The following TNPO3 variants were observed in gnomAD, a reference collection of about 807,000 sequenced individuals.
TNPO3 encodes transportin-3.
A neutral mutation model predicts 122.8 loss-of-function variants in TNPO3; 65 were observed. That is an observed-to-expected ratio of 0.53 (90% confidence interval 0.43 to 0.65). The LOEUF is 0.65. Ranked by LOEUF, TNPO3 falls within the 30% of genes least tolerant of loss-of-function variation. The pLI is 0.00. For missense variants in TNPO3, 850 were observed against 1,136.7 expected (o/e 0.75, Z 3.63); for synonymous variants, 372 against 411.2 (o/e 0.90, Z 1.15).
In TNPO3 at chr7:128,974,913, T is replaced by A. The variant is rs760588492; in HGVS notation, c.2228A>T (p.Gln743Leu). 6.2e-7 allele frequency: 1 copy of A among 1,614,262 alleles called. No individual in the cohort carries two copies. Among genetic ancestry groups the A allele is most frequent in the Non-Finnish European group, 8.5e-7 (1 of 1,180,052 alleles). ...GTCATCTACAGTGTCAGGGTGATTC[T>A]GGAGACCATTCTGCTGTTCTAGGAG... ...FQLLEQQNGL[Q>L]NHPDTVDDLF... is the part of the protein sequence containing the mutation. Residue 743 changes from glutamine to leucine, a missense_variant, in exon 18 of 23, where the codon CAG (glutamine) becomes CTG (leucine). Transcript: ENST00000265388.
At chr7:128,960,570 G>C (rs931131022) in intron 21 of TNPO3, among the ~76,000 whole-genome samples, 1 of 123,524 alleles carries the variant, frequency 8.1e-6, no homozygotes, top group Non-Finnish European at 1.8e-5. Context: ...AAGTTTAAAA[G>C]CTAAAAAAAA....
At chr7:129,040,455 C>T (rs1192734186) in intron 1 of TNPO3, among the ~76,000 whole-genome samples, 4 of 152,024 alleles carry the variant, frequency 2.6e-5, no homozygotes, top group Non-Finnish European at 5.9e-5. Context: ...GAATGATTTA[C>T]TGGGAAGAGG....
In TNPO3 at chr7:128,986,923, A is replaced by T. The variant is rs1473640963; in HGVS notation, c.1499-3T>A. On this transcript the variant is annotated splice_polypyrimidine_tract_variant and splice_region_variant and intron_variant, in intron 11 of 22. Coordinates refer to ENST00000265388, the MANE Select transcript of TNPO3 (RefSeq NM_012470.4). ...CATCAAATAGCCCAACACAGGGTCT[A>T]AGAAGAAAAGCCAAGCAGAGATTAC... 6.2e-7 allele frequency: 1 copy of T among 1,601,386 alleles called. No individual in the cohort carries two copies. Among genetic ancestry groups the T allele is most frequent in the South Asian group, 1.1e-5 (1 of 89,286 alleles).
chr7:128,970,458 G>A, intron 19 of TNPO3, 143 bp from the exon 20 acceptor site: 1 of 657,880 alleles, frequency 1.5e-6, no homozygotes. Context: ...GTGTATGCAG[G>A]TGTGTGTAAA....
Position 128,993,885 on chromosome 7 carries a change from A to G in TNPO3, c.1188T>C (p.Phe396=). 6.2e-7 allele frequency: 1 copy of G among 1,614,106 alleles called. No homozygotes were observed. The highest frequency in any genetic ancestry group is 8.5e-7 in the Non-Finnish European group (1 of 1,180,010). ...CTGATACCCTCATGCGAAACTCCCC[A>G]AAGTCATCAGTCTCCTCAGGAACCC... ...HEGVPEETDD[F]GEFRMRVSDL... Residue 396 remains phenylalanine, a synonymous_variant, in exon 9 of 23, where the codon TTT becomes TTC. Coordinates refer to ENST00000265388, the MANE Select transcript of TNPO3 (RefSeq NM_012470.4).
chr7:128,980,714 A>AAACAAC (rs766836664), intron 14 of TNPO3, among the ~76,000 whole-genome samples: 4 of 152,176 alleles, frequency 2.6e-5, no homozygotes, highest in African/African-American at 9.6e-5. Flanking sequence ...AAACAAACAA[A>AAACAAC]AACAACAACA....
intron 1 of TNPO3, among the ~76,000 whole-genome samples, chr7:129,018,935 T>C (rs1006051956): frequency 1.3e-5 from 2 of 152,174 alleles, no homozygotes; most frequent in Admixed American, 6.5e-5. Context: ...GCCAGACTGA[T>C]CTTGAACTCC....
At position 129,054,667 on chromosome 7, in the gene TNPO3, C is replaced by T. The variant is rs746657043; in HGVS notation, c.104G>A (p.Gly35Glu). The change falls in exon 1 of 23, where the codon GGG becomes GAG. Residue 35 changes from glycine (G) to glutamate (E), a missense_variant. Gly to Glu is a moderately conservative substitution (Grantham distance 98). Transcript: ENST00000265388. ...SGKERASFWL[G>E]ELQRSVHAWE... ...GCCCCTCACCGAACGCTGCAGCTCC[C>T]CAAGCCAAAAAGAGGCGCGCTCCTT... The T allele has an allele frequency of 6.2e-7, 1 of 1,613,954 alleles. No homozygotes were observed. The highest frequency in any genetic ancestry group is 1.1e-5 in the South Asian group (1 of 91,070).
At chr7:128,955,422 G>C (rs1563083148) in intron 22 of TNPO3, 37 bp from the exon 23 acceptor site, 2 of 439,940 alleles carry the variant, frequency 4.5e-6, no homozygotes, top group South Asian at 3.2e-5. Flanking sequence ...AACTGCACCA[G>C]AAAATAGAGC....
chr7:128,975,972 C>A, intron 16 of TNPO3, 37 bp from the exon 17 acceptor site: 1 of 1,461,160 alleles, frequency 6.8e-7, no homozygotes, highest in South Asian at 1.1e-5. Flanking sequence ...AATGCTTCGT[C>A]CTTCAAAAAG....
intron 3 of TNPO3, among the ~76,000 whole-genome samples, chr7:129,016,158 T>TTTGGGAGGCC (rs1803832769): frequency 6.6e-6 from 1 of 152,074 alleles, no homozygotes; most frequent in Non-Finnish European, 1.5e-5. Context: ...ATCCCAGCAC[T>TTTGGGAGGCC]TTGGGAGGCC....
At chr7:128,972,782 C>A (rs1383928046) in intron 18 of TNPO3, among the ~76,000 whole-genome samples, 200 bp from the exon 19 acceptor site, 1 of 152,016 alleles carries the variant, frequency 6.6e-6, no homozygotes, top group African/African-American at 2.4e-5. Context: ...ACAGTGGATA[C>A]ATGTCATTAC....
At chr7:128,983,139 A>G (rs1032579302) in intron 13 of TNPO3, among the ~76,000 whole-genome samples, 7 of 152,132 alleles carry the variant, frequency 4.6e-5, no homozygotes, top group African/African-American at 1.2e-4. Flanking sequence ...TATACTCCCT[A>G]TCTTTCGGAG....
chr7:128,975,164 T>C (rs1798927698), intron 17 of TNPO3, among the ~76,000 whole-genome samples: 1 of 152,230 alleles, frequency 6.6e-6, no homozygotes, highest in Admixed American at 6.5e-5. Context: ...TTTTCACCTA[T>C]GAAGTCCACA....
intron 1 of TNPO3, among the ~76,000 whole-genome samples, chr7:129,021,576 T>A (rs1804525810): frequency 6.6e-6 from 1 of 152,080 alleles, no homozygotes; most frequent in Non-Finnish European, 1.5e-5. Flanking sequence ...GGAAGTATTA[T>A]CCTTAATCAA....
chr7:128,959,339 C>A (rs1421391492), intron 21 of TNPO3, among the ~76,000 whole-genome samples: 1 of 152,152 alleles, frequency 6.6e-6, no homozygotes, highest in African/African-American at 2.4e-5. Context: ...AAATTTTACC[C>A]TTCCTCAAGA....
intron 1 of TNPO3, among the ~76,000 whole-genome samples, chr7:129,039,986 G>A (rs1452245313): frequency 6.6e-6 from 1 of 152,206 alleles, no homozygotes; most frequent in Non-Finnish European, 1.5e-5. Flanking sequence ...TGGGCATGGT[G>A]GCTCACGCCT....
intron 6 of TNPO3, 32 bp from the exon 7 acceptor site, chr7:129,000,599 T>C: frequency 6.3e-7 from 1 of 1,599,922 alleles, no homozygotes; most frequent in Non-Finnish European, 8.5e-7. Flanking sequence ...GAACAATGAG[T>C]CAGAAATCTG....
chr7:128,956,092 G>A (rs1796873151), intron 22 of TNPO3, among the ~76,000 whole-genome samples: 1 of 152,184 alleles, frequency 6.6e-6, no homozygotes, highest in Non-Finnish European at 1.5e-5. Flanking sequence ...AGCTGTCCAT[G>A]AGCAACCTTA....
Sources: gnomAD v4.1 joint callset for allele counts (sites outside exome capture counted in the v4.1 genomes callset) on GRCh38, gnomAD v4.1.1 for gene constraint, MANE v1.5 for transcripts, NCBI Gene and HGNC (gene_info 2026-07-23, HGNC 2026-07-21) for gene names.